Variants in CABCOCO1 observed in about 807,000 individuals in gnomAD.
The protein encoded by CABCOCO1 is ciliary-associated calcium-binding coiled-coil protein 1.
A neutral mutation model predicts 35.7 loss-of-function variants in CABCOCO1; 28 were observed. That is an observed-to-expected ratio of 0.78 (90% CI 0.58 to 1.07). The LOEUF is 1.07. CABCOCO1 is among the 50% of genes least tolerant of loss of function. The pLI is 0.00. For missense variants in CABCOCO1, 326 were observed against 309.2 expected, an observed-to-expected ratio of 1.05 and a Z score of -0.41; for synonymous variants, 95 against 100.1, an observed-to-expected ratio of 0.95 and a Z score of 0.30.
At chr10:61,684,083 T>G (rs986022450) in intron 3 of CABCOCO1, among the ~76,000 whole-genome samples, 34 of 152,180 alleles carry the variant, frequency 2.2e-4, no homozygotes, top group Admixed American at 1.3e-4. Context: ...CTGAAGCTAC[T>G]TCCACTATTA....
At chr10:61,764,396 T>C (rs1466097776) in intron 7 of CABCOCO1, among the ~76,000 whole-genome samples, 2 of 152,118 alleles carry the variant, frequency 1.3e-5, no homozygotes, top group Admixed American at 6.6e-5. Context: ...CAATGAAAGA[T>C]AACATTGGTG....
intron 5 of CABCOCO1, among the ~76,000 whole-genome samples, chr10:61,718,192 A>G (rs1840913852): frequency 6.6e-6 from 1 of 152,162 alleles, no homozygotes; most frequent in Non-Finnish European, 1.5e-5. Flanking sequence ...TTTCCATAAA[A>G]TCAGTATGAT....
rs566904767 is a variant in CABCOCO1 at position 61,668,591 on chromosome 10, G to A, written c.61-4041G>A. On this transcript the variant is annotated intron_variant, in intron 1 of 7. Transcript: ENST00000648843. ...ACCCATTTTCTTAAAATTTTCTAAT[G>A]TATTGCCCCTGAATGTGACACAAAT... Among the ~76,000 whole-genome samples the A allele has an allele frequency of 4.6e-4, 70 of 151,984 alleles. No homozygotes were observed. In the South Asian group the frequency reaches 0.013, roughly 29 times the overall value.
chr10:61,758,003 G>C (rs898493616), intron 5 of CABCOCO1, among the ~76,000 whole-genome samples: 1 of 152,008 alleles, frequency 6.6e-6, no homozygotes, highest in Non-Finnish European at 1.5e-5. Context: ...GCCAAGCTTA[G>C]CAACAAGACA....
At chr10:61,707,764 A>T (rs1227535739) in intron 5 of CABCOCO1, among the ~76,000 whole-genome samples, 1 of 152,142 alleles carries the variant, frequency 6.6e-6, no homozygotes, top group Non-Finnish European at 1.5e-5. Context: ...ATCTCCTGAA[A>T]ATATACACTG....
At chr10:61,729,127 A>C (rs1841234770) in intron 5 of CABCOCO1, among the ~76,000 whole-genome samples, 1 of 152,142 alleles carries the variant, frequency 6.6e-6, no homozygotes, top group Admixed American at 6.6e-5. Context: ...ATAAGACATA[A>C]TATAATATTT....
chr10:61,721,756 A>T (rs914028674), intron 5 of CABCOCO1, among the ~76,000 whole-genome samples: 11 of 152,184 alleles, frequency 7.2e-5, no homozygotes, highest in Admixed American at 1.3e-4. Flanking sequence ...GGAGTGATGC[A>T]TTCCATAGAA....
chr10:61,727,968 G>T (rs751146968), intron 5 of CABCOCO1, among the ~76,000 whole-genome samples: 1 of 152,130 alleles, frequency 6.6e-6, no homozygotes, highest in Non-Finnish European at 1.5e-5. Context: ...ATGCCTGTAA[G>T]CATCATTTAC....
intron 5 of CABCOCO1, among the ~76,000 whole-genome samples, chr10:61,692,685 T>C (rs941706596): frequency 1.3e-5 from 2 of 152,154 alleles, no homozygotes; most frequent in African/African-American, 4.8e-5. Flanking sequence ...TGGGTACTTG[T>C]TCTAATGCTA....
chr10:61,759,294 A>C (rs1841960275), intron 5 of CABCOCO1, among the ~76,000 whole-genome samples: 1 of 152,090 alleles, frequency 6.6e-6, no homozygotes, highest in South Asian at 2.1e-4. Flanking sequence ...GTTGCTTATT[A>C]AACATGGAAT....
At chr10:61,693,781 T>C (rs1309819373) in intron 5 of CABCOCO1, among the ~76,000 whole-genome samples, 2 of 152,022 alleles carry the variant, frequency 1.3e-5, no homozygotes, top group Non-Finnish European at 1.5e-5. Flanking sequence ...ATTTTAAGGA[T>C]ATCACAAAAA....
chr10:61,710,154 C>T (rs1442483414), intron 5 of CABCOCO1, among the ~76,000 whole-genome samples: 1 of 151,658 alleles, frequency 6.6e-6, no homozygotes, highest in African/African-American at 2.4e-5. Flanking sequence ...GTGTGTATAT[C>T]ACTGATGGAA....
chr10:61,708,960 C>G (rs10761589), intron 5 of CABCOCO1, among the ~76,000 whole-genome samples: 132,519 of 152,114 alleles, frequency 0.87, 58,080 homozygotes, highest in Non-Finnish European at 0.92. Flanking sequence ...AATCTGGAAA[C>G]TTTATACACT....
At chr10:61,672,822 T>C (rs1481860791) in intron 2 of CABCOCO1, 87 bp downstream of exon 2, 72 of 834,796 alleles carry the variant, frequency 8.6e-5, no homozygotes, top group Non-Finnish European at 9.8e-5. Context: ...TATAAGCTTT[T>C]TTCACAATAT....
intron 1 of CABCOCO1, among the ~76,000 whole-genome samples, chr10:61,671,539 A>G (rs1031445710): frequency 2.6e-5 from 4 of 152,238 alleles, no homozygotes; most frequent in African/African-American, 9.6e-5. Context: ...CATATGTATT[A>G]TTAGTATCAC....
chr10:61,704,349 C>A (rs764926108), intron 5 of CABCOCO1, among the ~76,000 whole-genome samples: 1 of 152,190 alleles, frequency 6.6e-6, no homozygotes, highest in Admixed American at 6.5e-5. Context: ...TGGCAGAATA[C>A]CACTTCTAAG....
At position 61,694,135 on chromosome 10, in the gene CABCOCO1, C is replaced by T. The variant is rs566471782; in HGVS notation, c.552+3514C>T. 1.1e-3 allele frequency among the ~76,000 whole-genome samples: 160 copies of T among 151,036 alleles called. 1 individual carries two copies. Among genetic ancestry groups the T allele is most frequent in the African/African-American group, 3.6e-3 (147 of 41,150 alleles). On this transcript the variant is annotated intron_variant, in intron 5 of 7. Transcript: ENST00000648843. Reference sequence around the variant, plus strand: ...TTAAGTTAATGAATTTGAGATGGAGCGATTATTCTAGATTACTGAAGTGGG... The same window carrying T: ...TTAAGTTAATGAATTTGAGATGGAGTGATTATTCTAGATTACTGAAGTGGG...
At chr10:61,765,516 T>C (rs1842089716) in intron 7 of CABCOCO1, among the ~76,000 whole-genome samples, 1 of 152,216 alleles carries the variant, frequency 6.6e-6, no homozygotes, top group Admixed American at 6.5e-5. Flanking sequence ...AGAAGCTTCC[T>C]GGGATCTCAT....
At chr10:61,697,231 T>TA (rs1840319455) in intron 5 of CABCOCO1, among the ~76,000 whole-genome samples, 1 of 152,080 alleles carries the variant, frequency 6.6e-6, no homozygotes, top group Admixed American at 6.6e-5. Flanking sequence ...TTATTACAGC[T>TA]AAAAATTGCA....
Sources: gnomAD v4.1 joint callset for allele counts (sites outside exome capture counted in the v4.1 genomes callset) on GRCh38, gnomAD v4.1.1 for gene constraint, MANE v1.5 for transcripts, NCBI Gene and HGNC (gene_info 2026-07-23, HGNC 2026-07-21) for gene names.